The following AP1B1 variants were observed in gnomAD, a reference collection of about 807,000 sequenced individuals.
The protein encoded by AP1B1 is AP-1 complex subunit beta-1.
Under a neutral mutation model 104.3 loss-of-function variants are expected in AP1B1, and 36 were observed. That is an observed-to-expected ratio of 0.35 (90% CI 0.26 to 0.46). The LOEUF is 0.46. Among genes scored for constraint, AP1B1 ranks in the 20% least tolerant of loss-of-function variants. AP1B1 has a pLI of 1.00. For missense variants in AP1B1, 901 were observed against 1,247.9 expected (o/e 0.72, Z 4.19); for synonymous variants, 504 against 517.5 (o/e 0.97, Z 0.35).
chr22:29,345,468 C>T (rs2061778522), intron 11 of AP1B1, among the ~76,000 whole-genome samples: 1 of 146,946 alleles, frequency 6.8e-6, no homozygotes, highest in South Asian at 2.2e-4. Context: ...ACTTCCCAGG[C>T]TCAAGCAATC....
At chr22:29,357,808 C>T (rs1602747178) in intron 5 of AP1B1, among the ~76,000 whole-genome samples, 2 of 151,768 alleles carry the variant, frequency 1.3e-5, no homozygotes, top group East Asian at 1.9e-4. Context: ...CTGCTTCAGC[C>T]TCCTGAGTAG....
At position 29,341,567 on chromosome 22, in the gene AP1B1, G is replaced by C. The variant is rs2061715411; in HGVS notation, c.1730C>G (p.Pro577Arg). The C allele has an allele frequency of 1.2e-6, 2 of 1,614,086 alleles. No individual in the cohort carries two copies. The highest frequency in any genetic ancestry group is 1.7e-6 in the Non-Finnish European group (2 of 1,180,034). Reference sequence around the variant, plus strand: ...GCCCCCCTCCACAAAGGCACTGGGAGGCTTATGGTAGACGGAAGCCAGCGT... The same window carrying C: ...GCCCCCCTCCACAAAGGCACTGGGACGCTTATGGTAGACGGAAGCCAGCGT... Reference protein sequence around the residue: ...IGTLASVYHKPPSAFVEGGRG... With the variant: ...IGTLASVYHKRPSAFVEGGRG... Residue 577 changes from proline to arginine, a missense_variant, in exon 13 of 23, where the codon CCT becomes CGT. Physicochemically the swap from Pro to Arg is moderately radical, Grantham distance 103. Transcript: ENST00000357586.
chr22:29,381,446 G>GA (rs2062435143), intron 1 of AP1B1, among the ~76,000 whole-genome samples: 1 of 152,112 alleles, frequency 6.6e-6, no homozygotes, highest in African/African-American at 2.4e-5. Context: ...ATAAGTAGCT[G>GA]AATGACCAGT....
intron 1 of AP1B1, among the ~76,000 whole-genome samples, chr22:29,384,799 C>A (rs1397074967): frequency 6.6e-6 from 1 of 151,750 alleles, no homozygotes; most frequent in Admixed American, 6.6e-5. Context: ...ACCCGGGAGG[C>A]GGAGGTTGCA....
intron 1 of AP1B1, among the ~76,000 whole-genome samples, chr22:29,368,045 C>T (rs1189790707): frequency 6.6e-6 from 1 of 152,194 alleles, no homozygotes; most frequent in East Asian, 1.9e-4. Context: ...TGCCTGTAAT[C>T]CCAGCACTTT....
intron 4 of AP1B1, 122 bp downstream of exon 4, chr22:29,359,702 G>C: frequency 7.7e-7 from 1 of 1,303,270 alleles, no homozygotes; most frequent in Non-Finnish European, 1.0e-6. Flanking sequence ...CAGGCTGGGC[G>C]GGCGCGGGCA....
At chr22:29,362,225 C>G (rs34680030) in intron 3 of AP1B1, among the ~76,000 whole-genome samples, 1 of 152,150 alleles carries the variant, frequency 6.6e-6, no homozygotes, top group Non-Finnish European at 1.5e-5. Flanking sequence ...GGCTGCACAC[C>G]GGTGACAAAT....
At chr22:29,375,242 C>T (rs1034642756) in intron 1 of AP1B1, among the ~76,000 whole-genome samples, 4 of 146,442 alleles carry the variant, frequency 2.7e-5, no homozygotes, top group Middle Eastern at 3.6e-3. Flanking sequence ...CCCAGCTACT[C>T]GGGAGGCTGA....
chr22:29,350,446 C>T (rs1385357772), intron 9 of AP1B1, among the ~76,000 whole-genome samples: 1 of 152,178 alleles, frequency 6.6e-6, no homozygotes, highest in Admixed American at 6.5e-5. Flanking sequence ...AAGGTGACTA[C>T]GCTGCAGTCC....
In AP1B1 at chr22:29,356,524, C is replaced by T; in HGVS notation, c.618G>A (p.Lys206=). 1 of 1,614,204 alleles carries T rather than the reference C, an allele frequency of 6.2e-7. No individual in the cohort carries two copies. Among genetic ancestry groups the T allele is most frequent in the South Asian group, 1.1e-5 (1 of 91,078 alleles). Residue 206 remains lysine, a synonymous_variant, in exon 6 of 23, where the codon AAG becomes AAA. Coordinates refer to ENST00000357586, the MANE Select transcript of AP1B1 (RefSeq NM_001127.4). ...TGCACTCATTGAGGGCTGTCAGCAG[C>T]TTGTTGATGGACTGTGGGTTCAGAT... ...LLDLNPQSIN[K]LLTALNECTE...
intron 21 of AP1B1, 39 bp downstream of exon 21, chr22:29,330,339 G>C (rs763076451): frequency 4.3e-6 from 7 of 1,609,238 alleles, no homozygotes; most frequent in Non-Finnish European, 5.9e-6. Context: ...GGACGAAGGG[G>C]AGGCTCCAAG....
chr22:29,364,660 C>T (rs28425720), intron 2 of AP1B1, among the ~76,000 whole-genome samples: 3,407 of 151,966 alleles, frequency 0.022, 116 homozygotes, highest in African/African-American at 0.076. Context: ...GTGATCCGCC[C>T]GCCTTGGTCT....
intron 1 of AP1B1, among the ~76,000 whole-genome samples, chr22:29,375,223 G>A (rs1441976897): frequency 2.6e-5 from 4 of 151,196 alleles, no homozygotes; most frequent in African/African-American, 7.3e-5. Context: ...GGTGGCACAC[G>A]CCTGTAGTCC....
In AP1B1 at chr22:29,341,547, C is replaced by T; in HGVS notation, c.1750G>A (p.Gly584Arg). The T allele has an allele frequency of 3.1e-6, 5 of 1,614,170 alleles. No homozygotes were observed. The highest frequency in any genetic ancestry group is 4.2e-6 in the Non-Finnish European group (5 of 1,180,018). The stretch of plus-strand genomic sequence containing the variant: ...CTCTTGTGCACGACGCCCCGGCCCC[C>T]CTCCACAAAGGCACTGGGAGGCTTA... ...YHKPPSAFVE[G>R]GRGVVHKSLP... Residue 584 changes from glycine to arginine, a missense_variant, in exon 13 of 23, where the codon GGG (glycine) becomes AGG (arginine). By Grantham distance (125) the Gly-to-Arg change is moderately radical. Around this residue, in one of 3 missense-constraint regions of AP1B1, gnomAD observed 424 missense variants for 494.0 expected, o/e 0.86. Transcript: ENST00000357586.
intron 21 of AP1B1, 44 bp from the exon 22 acceptor site, chr22:29,329,764 AAC>A (rs2061529222): frequency 1.9e-6 from 3 of 1,612,688 alleles, no homozygotes; most frequent in East Asian, 2.2e-5. Flanking sequence ...GCAGCAACCA[AAC>A]ACAGGGAGAC....
chr22:29,363,872 G>T (rs2148013755), intron 2 of AP1B1, among the ~76,000 whole-genome samples: 1 of 152,070 alleles, frequency 6.6e-6, no homozygotes, highest in East Asian at 1.9e-4. Flanking sequence ...CAGCCTGGGG[G>T]ACACAAAGTG....
intron 17 of AP1B1, among the ~76,000 whole-genome samples, chr22:29,332,692 T>C (rs1234665097): frequency 6.6e-6 from 1 of 152,142 alleles, no homozygotes; most frequent in Non-Finnish European, 1.5e-5. Context: ...TCAGACCCCA[T>C]AGGGTGAGGG....
Position 29,363,188 on chromosome 22 carries a change from G to A in AP1B1, c.38-82C>T, listed in dbSNP as rs1175242888. The A allele has an allele frequency of 5.7e-5, 42 of 741,930 alleles. No individual in the cohort carries two copies. The Admixed American group carries it at 6.5e-4, about 11-fold the overall frequency. 46.0% of individuals were successfully genotyped at this position (741,930 alleles called of 1,614,324 possible). A position where few individuals can be genotyped will look rare whatever the true frequency, so the allele number is the denominator to read the frequency against. On this transcript the variant is annotated intron_variant, in intron 2 of 22. Coordinates refer to ENST00000357586, the MANE Select transcript of AP1B1 (RefSeq NM_001127.4). ...CCAGTATCTAACTTCCAAAAGAACC[G>A]GAGGGAGGCACGTAAGACATCCTAT...
Position 29,328,649 on chromosome 22 carries a change from G to A in AP1B1, c.*172C>T, listed in dbSNP as rs2061511556. 8.0e-6 allele frequency: 6 copies of A among 746,802 alleles called. No individual in the cohort carries two copies. The highest frequency in any genetic ancestry group is 1.3e-5 in the Non-Finnish European group (6 of 469,806). 46.3% of individuals were successfully genotyped at this position (746,802 alleles called of 1,614,324 possible). Reference sequence around the variant, plus strand: ...AGTGCACTGCGCTCTCACCCCAGGAGGGGGTGGTGCCCTACCCCAGGGATC... The same window carrying A: ...AGTGCACTGCGCTCTCACCCCAGGAAGGGGTGGTGCCCTACCCCAGGGATC... On this transcript the variant is annotated 3_prime_UTR_variant, in exon 23 of 23. Transcript: ENST00000357586. The surrounding 1 kb of genome is among the most constrained non-coding windows in gnomAD (Gnocchi z 4.1).
Sources: allele counts gnomAD v4.1 joint callset (sites outside exome capture counted in the v4.1 genomes callset), GRCh38; gene constraint gnomAD v4.1.1; regional missense constraint gnomAD v4.1.1; non-coding constraint Gnocchi (gnomAD v3.1); transcripts MANE v1.5; gene names NCBI Gene and HGNC (gene_info 2026-07-23, HGNC 2026-07-21).